Variants in ELK3 observed in about 807,000 individuals in gnomAD.
ELK3 encodes the protein ETS domain-containing protein Elk-3.
In ELK3, 10 loss-of-function variants were observed where a neutral mutation model predicts 28.9. The observed-to-expected ratio is 0.35, with a 90% confidence interval of 0.21 to 0.59. The LOEUF (loss-of-function observed/expected upper bound fraction) is 0.59. Ranked by LOEUF, ELK3 falls within the 20% of genes least tolerant of loss-of-function variation. The pLI, the probability that ELK3 is intolerant of heterozygous loss-of-function variation, is 0.82. For missense variants in ELK3, 463 were observed against 517.3 expected, an observed-to-expected ratio of 0.90 and a Z score of 1.02; for synonymous variants, 272 against 243.5, an observed-to-expected ratio of 1.12 and a Z score of -1.09.
At chr12:96,267,019 A>G (rs1378003290) in intron 4 of ELK3, 63 bp from the exon 5 acceptor site, 9 of 1,429,296 alleles carry the variant, frequency 6.3e-6, no homozygotes, top group African/African-American at 1.4e-5. Flanking sequence ...GGGAATGTAA[A>G]GAACCTAAGT....
chr12:96,201,148 C>G (rs1337685865), intron 1 of ELK3, among the ~76,000 whole-genome samples: 2 of 150,558 alleles, frequency 1.3e-5, no homozygotes, highest in Admixed American at 1.3e-4. Flanking sequence ...TGTAGATTTC[C>G]TCATCATACA....
Position 96,259,743 on chromosome 12 carries a change from T to C in ELK3, c.1015T>C (p.Leu339=), listed in dbSNP as rs1240043859. The change falls in exon 4 of 5, where the codon TTG becomes CTG. Residue 339 remains leucine, a synonymous_variant. Coordinates refer to ENST00000228741, the MANE Select transcript of ELK3 (RefSeq NM_005230.4). ...AFFTAQTPNG[L]LLTPSPLLSS... ...CTTTACTTCCCAGACACCAAATGGA[T>C]TGCTTCTGACTCCGAGTCCACTGCT... is the stretch of plus-strand genomic sequence containing the variant. 3.1e-6 allele frequency: 5 copies of C among 1,608,974 alleles called. No homozygotes were observed. The South Asian group carries it at 4.4e-5, about 14-fold the overall frequency.
Position 96,267,319 on chromosome 12 carries a change from G to A in ELK3, c.*139G>A. 1 of 627,502 alleles carries A rather than the reference G, an allele frequency of 1.6e-6. No homozygotes were observed. 38.9% of individuals were successfully genotyped at this position (627,502 alleles called of 1,614,324 possible). ...CACTTTTCATAACATGGATAGTCTA[G>A]ATTTATGTTAGCATTTTAAAAACTG... On this transcript the variant is annotated 3_prime_UTR_variant, in exon 5 of 5. Transcript: ENST00000228741.
intron 2 of ELK3, among the ~76,000 whole-genome samples, chr12:96,230,482 A>G (rs536247825): frequency 6.6e-6 from 1 of 152,332 alleles, no homozygotes; most frequent in Admixed American, 6.5e-5. Flanking sequence ...ACTGCTCCCC[A>G]TGACAGGCAC....
At chr12:96,222,093 G>A (rs888312899) in intron 1 of ELK3, among the ~76,000 whole-genome samples, 6 of 152,054 alleles carry the variant, frequency 3.9e-5, no homozygotes, top group Non-Finnish European at 7.4e-5. Flanking sequence ...CAGTTGATCC[G>A]TGGCAAAGCT....
chr12:96,209,212 A>G (rs1388242310), intron 1 of ELK3, among the ~76,000 whole-genome samples: 1 of 152,232 alleles, frequency 6.6e-6, no homozygotes, highest in African/African-American at 2.4e-5. Context: ...GAGAGGAGCT[A>G]ACACATGAGA....
intron 2 of ELK3, among the ~76,000 whole-genome samples, chr12:96,238,546 T>C (rs1487658088): frequency 6.6e-6 from 1 of 152,176 alleles, no homozygotes; most frequent in Non-Finnish European, 1.5e-5. Flanking sequence ...GGGCTGTATA[T>C]GGTGGACACG....
intron 1 of ELK3, among the ~76,000 whole-genome samples, chr12:96,219,356 C>T (rs929455229): frequency 6.6e-6 from 1 of 151,896 alleles, no homozygotes; most frequent in Non-Finnish European, 1.5e-5. Context: ...GATGAGTTTA[C>T]GAAAATCTGT....
At chr12:96,235,340 T>C (rs1951774651) in intron 2 of ELK3, among the ~76,000 whole-genome samples, 1 of 151,942 alleles carries the variant, frequency 6.6e-6, no homozygotes, top group African/African-American at 2.4e-5. Context: ...CCGTGTCTGT[T>C]CCATGGCCCC....
intron 1 of ELK3, among the ~76,000 whole-genome samples, chr12:96,213,088 G>C (rs1278324342): frequency 6.6e-6 from 1 of 152,174 alleles, no homozygotes; most frequent in Non-Finnish European, 1.5e-5. Context: ...AGCTGTTTAT[G>C]TGTTGTGGAA....
intron 2 of ELK3, among the ~76,000 whole-genome samples, chr12:96,234,072 C>T (rs745874207): frequency 6.6e-6 from 1 of 152,208 alleles, no homozygotes; most frequent in African/African-American, 2.4e-5. Flanking sequence ...GGAGGTCTTC[C>T]AATCTGGTCA....
chr12:96,221,770 G>C (rs1951663714), intron 1 of ELK3, among the ~76,000 whole-genome samples: 1 of 152,168 alleles, frequency 6.6e-6, no homozygotes, highest in South Asian at 2.1e-4. Flanking sequence ...TGAAATGACT[G>C]TCTTACAGAC....
chr12:96,264,064 C>T (rs1407806518), intron 4 of ELK3, among the ~76,000 whole-genome samples: 1 of 152,192 alleles, frequency 6.6e-6, no homozygotes, highest in Non-Finnish European at 1.5e-5. Flanking sequence ...GCAACCTCTG[C>T]CTCCTGGGCT....
chr12:96,264,158 A>AT (rs1484025140), intron 4 of ELK3, among the ~76,000 whole-genome samples: 1 of 152,044 alleles, frequency 6.6e-6, no homozygotes, highest in East Asian at 1.9e-4. Flanking sequence ...AAGTTTTGAA[A>AT]TTTTTTTGTA....
At chr12:96,229,161 G>A (rs1210865222) in intron 2 of ELK3, among the ~76,000 whole-genome samples, 3 of 152,162 alleles carry the variant, frequency 2.0e-5, no homozygotes, top group African/African-American at 4.8e-5. Flanking sequence ...CACTACTCAA[G>A]TGCACACCAT....
In ELK3 at chr12:96,259,800, C is replaced by A; in HGVS notation, c.1072C>A (p.Pro358Thr). The change falls in exon 4 of 5, where the codon CCA (proline) becomes ACA (threonine). Residue 358 changes from proline (P) to threonine (T), a missense_variant. By Grantham distance (38) the Pro-to-Thr change is conservative. Transcript: ENST00000228741. Reference protein sequence around the residue: ...SSIHFWSSLSPVAPLSPARLQ... With the variant: ...SSIHFWSSLSTVAPLSPARLQ... ...CATACATTTCTGGAGCAGCCTTAGT[C>A]CAGTTGCTCCGCTGAGTCCTGCCAG... 1 of 1,610,634 alleles carries A rather than the reference C, an allele frequency of 6.2e-7. No homozygotes were observed. Among genetic ancestry groups the A allele is most frequent in the Non-Finnish European group, 8.5e-7 (1 of 1,179,050 alleles).
chr12:96,229,396 T>C (rs1459349336), intron 2 of ELK3, among the ~76,000 whole-genome samples: 1 of 152,172 alleles, frequency 6.6e-6, no homozygotes, highest in East Asian at 1.9e-4. Context: ...GTGGACTCTT[T>C]CTTGGCCTCT....
intron 2 of ELK3, among the ~76,000 whole-genome samples, chr12:96,228,415 T>TAAAAAAAAAAAAAAA (rs1951719098): frequency 9.1e-5 from 3 of 32,942 alleles, no homozygotes; most frequent in Non-Finnish European, 1.5e-4. Context: ...AGACTCTGTG[T>TAAAAAAAAAAAAAAA]CAAAAAAAAA....
At chr12:96,262,717 G>T (rs1952002124) in intron 4 of ELK3, among the ~76,000 whole-genome samples, 1 of 152,118 alleles carries the variant, frequency 6.6e-6, no homozygotes, top group South Asian at 2.1e-4. Context: ...ACAAAATATG[G>T]TAGAGGAATA....
Sources: allele counts gnomAD v4.1 joint callset (sites outside exome capture counted in the v4.1 genomes callset), GRCh38; gene constraint gnomAD v4.1.1; transcripts MANE v1.5; gene names NCBI Gene and HGNC (gene_info 2026-07-23, HGNC 2026-07-21).